The following CYP20A1 variants were observed in gnomAD, a reference collection of about 807,000 sequenced individuals.
CYP20A1 encodes cytochrome P450 20A1.
Under a neutral mutation model 61.4 loss-of-function variants are expected in CYP20A1, and 61 were observed. The observed-to-expected ratio is 0.99, with a 90% confidence interval of 0.81 to 1.23. The LOEUF (loss-of-function observed/expected upper bound fraction) is 1.23, where lower values mean the gene tolerates loss of function less well. CYP20A1 is among the 50% of genes most tolerant of loss of function. The pLI is 0.00. For missense variants in CYP20A1, 530 were observed against 542.4 expected (o/e 0.98, Z 0.23); for synonymous variants, 193 against 188.2 (o/e 1.03, Z -0.21).
chr2:203,282,992 G>A lies in CYP20A1; in HGVS notation c.851-2620G>A, dbSNP rs115395165. 3.5e-3 allele frequency among the ~76,000 whole-genome samples: 535 copies of A among 152,070 alleles called. 5 individuals are homozygous for A. Among genetic ancestry groups the A allele is most frequent in the Non-Finnish European group, 5.1e-3 (344 of 67,984 alleles). ...TGTGACAGGCTGGGCAATATAGTGG[G>A]ACACAATCTCTACAAAAAAAATAAT... On this transcript the variant is annotated intron_variant, in intron 8 of 12. Transcript: ENST00000356079.
At chr2:203,260,424 G>A (rs2067091338) in intron 4 of CYP20A1, among the ~76,000 whole-genome samples, 1 of 151,910 alleles carries the variant, frequency 6.6e-6, no homozygotes, top group African/African-American at 2.4e-5. Flanking sequence ...GTTTCACCAT[G>A]TTGGCCAGGC....
intron 9 of CYP20A1, among the ~76,000 whole-genome samples, chr2:203,288,877 A>G (rs1237525109): frequency 6.6e-6 from 1 of 152,180 alleles, no homozygotes. Flanking sequence ...GAATAATAAT[A>G]GTACCCATGG....
intron 4 of CYP20A1, among the ~76,000 whole-genome samples, chr2:203,255,094 C>A (rs1398440510): frequency 1.3e-5 from 2 of 152,112 alleles, no homozygotes; most frequent in African/African-American, 4.8e-5. Flanking sequence ...ACTTCTCTCC[C>A]ACCAGCATTG....
At chr2:203,272,552 A>AAT in intron 5 of CYP20A1, 118 bp from the exon 6 acceptor site, 1 of 283,654 alleles carries the variant, frequency 3.5e-6, no homozygotes, top group Non-Finnish European at 5.8e-6. Flanking sequence ...CCCTGACTCA[A>AAT]AAAAAAAAAA....
intron 4 of CYP20A1, among the ~76,000 whole-genome samples, chr2:203,262,428 A>T (rs1437216161): frequency 6.6e-6 from 1 of 152,050 alleles, no homozygotes. Flanking sequence ...TAACTGATAT[A>T]GTGTCTTCGA....
intron 5 of CYP20A1, among the ~76,000 whole-genome samples, chr2:203,271,082 A>ATATATATATTT (rs1178482961): frequency 6.3e-5 from 2 of 31,630 alleles, no homozygotes; most frequent in African/African-American, 2.1e-4. Flanking sequence ...ATATATATAT[A>ATATATATATTT]TTTTTTTTTT....
At chr2:203,259,741 G>A (rs772872414) in intron 4 of CYP20A1, 1 of 150,854 alleles carries the variant, frequency 6.6e-6, no homozygotes, top group Non-Finnish European at 1.5e-5. Context: ...AAATTAGCCA[G>A]GCGTGGTGGC....
chr2:203,281,310 C>A (rs2152095839), intron 8 of CYP20A1, among the ~76,000 whole-genome samples: 1 of 152,170 alleles, frequency 6.6e-6, no homozygotes. Flanking sequence ...AATTTGGGAC[C>A]AGCCTGGGCA....
At chr2:203,268,443 C>G (rs1425047815) in intron 5 of CYP20A1, among the ~76,000 whole-genome samples, 1 of 152,146 alleles carries the variant, frequency 6.6e-6, no homozygotes, top group Non-Finnish European at 1.5e-5. Flanking sequence ...ATTTTGTAGA[C>G]TATCCCTCAA....
chr2:203,265,610 G>T (rs1447875731), intron 4 of CYP20A1, among the ~76,000 whole-genome samples: 2 of 152,122 alleles, frequency 1.3e-5, no homozygotes, highest in Non-Finnish European at 2.9e-5. Flanking sequence ...AAAGATAAGG[G>T]ATTTTGATTC....
intron 8 of CYP20A1, among the ~76,000 whole-genome samples, chr2:203,283,929 C>G (rs1313589729): frequency 1.3e-5 from 2 of 152,132 alleles, no homozygotes; most frequent in East Asian, 1.9e-4. Flanking sequence ...GTGACTCCTT[C>G]AGTTGTATAT....
chr2:203,280,531 C>T (rs556835509), intron 8 of CYP20A1, among the ~76,000 whole-genome samples: 4 of 152,196 alleles, frequency 2.6e-5, no homozygotes, highest in South Asian at 4.2e-4. Context: ...AGTGAGACCT[C>T]GTCTCTGCTA....
Position 203,296,524 on chromosome 2 carries a change from C to T in CYP20A1, c.1199C>T (p.Ser400Leu), listed in dbSNP as rs764959472. 2.5e-6 allele frequency: 4 copies of T among 1,612,554 alleles called. No individual in the cohort carries two copies. In the East Asian group the frequency reaches 6.7e-5, roughly 27 times the overall value. ...DDELVMKTFS[S>L]LGFSGTQECP... The stretch of plus-strand genomic sequence containing the variant: ...GAATTAGTAATGAAAACTTTTTCCT[C>T]ACTTGGATTCTCAGGCACACAGGAG... The change falls in exon 12 of 13, where the codon TCA (serine) becomes TTA (leucine). Residue 400 changes from serine to leucine, a missense_variant. Coordinates refer to ENST00000356079, the MANE Select transcript of CYP20A1 (RefSeq NM_177538.3).
At chr2:203,253,575 G>GT (rs1444281459) in intron 4 of CYP20A1, among the ~76,000 whole-genome samples, 1 of 152,216 alleles carries the variant, frequency 6.6e-6, no homozygotes, top group Non-Finnish European at 1.5e-5. Context: ...ACAGAACGTG[G>GT]TTTTTATAAG....
chr2:203,243,377 C>T (rs1559082486), intron 1 of CYP20A1, among the ~76,000 whole-genome samples: 1 of 134,452 alleles, frequency 7.4e-6, no homozygotes, highest in Admixed American at 8.3e-5. Flanking sequence ...CTCCTGACCT[C>T]GTGATCCACT....
chr2:203,266,929 C>G (rs1337736795), intron 5 of CYP20A1, among the ~76,000 whole-genome samples: 1 of 152,014 alleles, frequency 6.6e-6, no homozygotes, highest in Admixed American at 6.6e-5. Flanking sequence ...CACAGTGAGC[C>G]AAGATCATGC....
chr2:203,261,555 G>A (rs1228655715), intron 4 of CYP20A1, among the ~76,000 whole-genome samples: 5 of 131,852 alleles, frequency 3.8e-5, no homozygotes, highest in African/African-American at 1.4e-4. Flanking sequence ...GAGTGCAGTG[G>A]CATGATCACT....
rs1224042247 is a variant in CYP20A1 at position 203,292,281 on chromosome 2, T to C, written c.1103T>C (p.Leu368Pro). ...IPRETLVLYA[L>P]GVVLQDPNTW... ...TCACAGACCCTCGTCCTTTATGCCC[T>C]TGGTGTGGTACTTCAGGATCCTAAT... The change falls in exon 11 of 13, where the codon CTT becomes CCT. Residue 368 changes from leucine (L) to proline (P), a missense_variant. Transcript: ENST00000356079. 1.2e-6 allele frequency: 2 copies of C among 1,613,208 alleles called. No homozygotes were observed. The highest frequency in any genetic ancestry group is 2.2e-5 in the South Asian group (2 of 91,034).
intron 4 of CYP20A1, among the ~76,000 whole-genome samples, chr2:203,255,036 G>C (rs906896879): frequency 1.3e-5 from 2 of 151,596 alleles, no homozygotes; most frequent in Non-Finnish European, 2.9e-5. Flanking sequence ...CATTTGAAAA[G>C]AATCTCTAAT....
Sources: allele counts gnomAD v4.1 joint callset (sites outside exome capture counted in the v4.1 genomes callset), GRCh38; gene constraint gnomAD v4.1.1; transcripts MANE v1.5; gene names NCBI Gene and HGNC (gene_info 2026-07-23, HGNC 2026-07-21).